DMD: variants seen among roughly 807,000 people sequenced by gnomAD.
DMD encodes mutant dystrophin.
In DMD, 63 loss-of-function variants were observed where a neutral mutation model predicts 330.1. The observed-to-expected ratio is 0.19, with a 90% CI of 0.16 to 0.24. The LOEUF (loss-of-function observed/expected upper bound fraction) is 0.24. DMD is among the 10% of genes least tolerant of loss of function. The probability of loss-of-function intolerance (pLI) is 1.00; values close to 1 mark genes in which losing one functional copy is unlikely to be tolerated. For synonymous variants in DMD, 1,223 were observed against 959.8 expected, an observed-to-expected ratio of 1.27 and a Z score of -5.07; for missense variants, 3,344 against 2,684.1, an observed-to-expected ratio of 1.25 and a Z score of -5.43.
intron 67 of DMD, among the ~76,000 whole-genome samples, chrX:31,201,029 T>C (rs988310879): frequency 4.5e-5 from 5 of 111,504 alleles, no homozygotes; most frequent in African/African-American, 1.3e-4. Context: ...CCCAGTCTCA[T>C]AGAAAACATT....
chrX:32,045,725 A>G (rs1426540264), intron 44 of DMD, among the ~76,000 whole-genome samples: 4 of 112,159 alleles, frequency 3.6e-5, no homozygotes, highest in South Asian at 3.7e-4. Context: ...GCTCTTTGAT[A>G]TAAGTGTTCA....
At chrX:32,613,539 T>C (rs1407709760) in intron 12 of DMD, among the ~76,000 whole-genome samples, 1 of 110,693 alleles carries the variant, frequency 9.0e-6, no homozygotes, top group African/African-American at 3.3e-5. Flanking sequence ...AAATGTCATA[T>C]TCTATAGAAA....
At chrX:32,672,559 T>A (rs1169643976) in intron 9 of DMD, among the ~76,000 whole-genome samples, 3 of 110,971 alleles carry the variant, frequency 2.7e-5, no homozygotes, top group Non-Finnish European at 5.7e-5. Context: ...GCATAAGTCC[T>A]GATTGCTTTA....
chrX:33,083,764 TGAAGA>T (rs1275861953), intron 1 of DMD, among the ~76,000 whole-genome samples: 1 of 111,633 alleles, frequency 9.0e-6, no homozygotes, highest in Non-Finnish European at 1.9e-5. Context: ...TCTTCCTGAT[TGAAGA>T]GAAGTCTCCC....
intron 1 of DMD, among the ~76,000 whole-genome samples, chrX:33,299,142 C>T (rs753089801): frequency 1.3e-4 from 14 of 111,361 alleles, no homozygotes; most frequent in Non-Finnish European, 2.1e-4. Flanking sequence ...GCAAGGTCTG[C>T]AAATTTTTAT....
intron 48 of DMD, among the ~76,000 whole-genome samples, chrX:31,870,615 C>T (rs938006811): frequency 8.9e-6 from 1 of 112,137 alleles, no homozygotes; most frequent in Non-Finnish European, 1.9e-5. Context: ...TGTCTGTTGT[C>T]TAGTGCTATT....
At chrX:31,881,211 T>C (rs1159829126) in intron 47 of DMD, among the ~76,000 whole-genome samples, 1 of 111,003 alleles carries the variant, frequency 9.0e-6, no homozygotes, top group Non-Finnish European at 1.9e-5. Flanking sequence ...AAAAAAAAAG[T>C]TTATAAAGTA....
At position 32,224,406 on chromosome X, in the gene DMD, T is replaced by C. The variant is rs572821113; in HGVS notation, c.6291-7343A>G. The stretch of plus-strand genomic sequence containing the variant: ...TGTATATAGTTTGAAACAGAATATA[T>C]ACTTTTTTCCTAAGCAGGAGACTCC... On this transcript the variant is annotated intron_variant, in intron 43 of 78. Coordinates refer to ENST00000357033, the MANE Select transcript of DMD (RefSeq NM_004006.3). Among the ~76,000 whole-genome samples, 55 of 111,186 alleles carry C rather than the reference T, an allele frequency of 4.9e-4. 1 individual carries two copies. In the South Asian group the frequency reaches 0.021, roughly 42 times the overall value.
intron 52 of DMD, among the ~76,000 whole-genome samples, chrX:31,713,170 T>C (rs2084772690): frequency 8.9e-6 from 1 of 112,037 alleles, no homozygotes; most frequent in Admixed American, 9.5e-5. Context: ...CTTTCTAATG[T>C]CAAATATCAC....
chrX:32,922,331 G>A (rs776210822), intron 2 of DMD, among the ~76,000 whole-genome samples: 1 of 111,606 alleles, frequency 9.0e-6, no homozygotes, highest in East Asian at 2.8e-4. Context: ...CAAAAGTTCA[G>A]GTATCACATT....
chrX:32,913,000 GTTTATT>G (rs1316394900), intron 2 of DMD, among the ~76,000 whole-genome samples: 1 of 112,030 alleles, frequency 8.9e-6, no homozygotes, highest in African/African-American at 3.2e-5. Flanking sequence ...AAGAAATTAA[GTTTATT>G]TTTGTTTTTG....
In DMD at chrX:32,922,547, A is replaced by T. The variant is rs764795552; in HGVS notation, c.94-72727T>A. On this transcript the variant is annotated intron_variant, in intron 2 of 78. Coordinates refer to ENST00000357033, the MANE Select transcript of DMD (RefSeq NM_004006.3). ...TTGGGAATGATTCAAGCACATTACA[A>T]CATTTATCATTAAATTCTCATAAGG... Among the ~76,000 whole-genome samples, 11 of 112,366 alleles carry T rather than the reference A, an allele frequency of 9.8e-5. No individual in the cohort carries two copies. In the East Asian group the frequency reaches 3.1e-3, roughly 32 times the overall value.
chrX:32,844,126 C>T (rs780442905), intron 4 of DMD, among the ~76,000 whole-genome samples: 17 of 111,584 alleles, frequency 1.5e-4, no homozygotes, highest in South Asian at 3.7e-4. Flanking sequence ...CAGAGTTCAC[C>T]GGGCACGGTG....
rs190717929 is a variant in DMD at position 32,966,184 on chromosome X, G to A, written c.93+53955C>T. Among the ~76,000 whole-genome samples, 5 of 111,752 alleles carry A rather than the reference G, an allele frequency of 4.5e-5. No homozygotes were observed. The East Asian group carries it at 1.4e-3, about 32-fold the overall frequency. On this transcript the variant is annotated intron_variant, in intron 2 of 78. Coordinates refer to ENST00000357033, the MANE Select transcript of DMD (RefSeq NM_004006.3). ...TTGTATAGGGGGTTAAGGATCTCCT[G>A]ATAAAAATAAAATTAATAACTTAAA... is the stretch of plus-strand genomic sequence containing the variant.
At chrX:31,303,133 T>A (rs946308517) in intron 62 of DMD, among the ~76,000 whole-genome samples, 4 of 112,015 alleles carry the variant, frequency 3.6e-5, no homozygotes, top group Non-Finnish European at 5.6e-5. Flanking sequence ...ATTTAATTTT[T>A]AAAAATTAGT....
chrX:31,419,603 C>T (rs1291168793), intron 60 of DMD, among the ~76,000 whole-genome samples: 1 of 111,679 alleles, frequency 9.0e-6, no homozygotes, highest in Non-Finnish European at 1.9e-5. Flanking sequence ...GATCTGTATT[C>T]TAGGGCTTTC....
intron 7 of DMD, among the ~76,000 whole-genome samples, chrX:32,807,122 T>TTAAAAAAAAAAAAAAAAAAAAAAAAAAA (rs1345640031): frequency 4.8e-5 from 1 of 20,744 alleles, no homozygotes; most frequent in Non-Finnish European, 8.5e-5. Context: ...CGGAAACATT[T>TTAAAAAAAAAAAAAAAAAAAAAAAAAAA]AAAAAAAAAA....
intron 48 of DMD, among the ~76,000 whole-genome samples, chrX:31,864,485 CTTTTTTTT>C (rs201374257): frequency 1.7e-4 from 9 of 54,332 alleles, no homozygotes; most frequent in South Asian, 1.2e-3. Context: ...TTTTGAAGGC[CTTTTTTTT>C]TTTTTTTTTT....
chrX:31,961,418 C>T (rs1302299143), intron 45 of DMD, among the ~76,000 whole-genome samples: 1 of 111,932 alleles, frequency 8.9e-6, no homozygotes, highest in Non-Finnish European at 1.9e-5. Context: ...AAAGTACTTA[C>T]TGGCCATCTA....
Sources: allele counts gnomAD v4.1 joint callset (sites outside exome capture counted in the v4.1 genomes callset), GRCh38; gene constraint gnomAD v4.1.1; transcripts MANE v1.5; gene names NCBI Gene and HGNC (gene_info 2026-07-23, HGNC 2026-07-21).